AGBL4: variants seen among roughly 807,000 people sequenced by gnomAD.
The protein encoded by AGBL4 is AGBL carboxypeptidase 4, also known as cytosolic carboxypeptidase 6.
AGBL4 carries 58 observed loss-of-function variants against 66.4 expected under a neutral mutation model. The ratio of observed to expected loss-of-function variants is 0.87; its 90% CI spans 0.71 to 1.09. AGBL4 has a LOEUF of 1.09. Among genes scored for constraint, AGBL4 ranks in the 50% least tolerant of loss-of-function variants. AGBL4 has a pLI of 0.00. For missense variants in AGBL4, 579 were observed against 631.0 expected (o/e 0.92, Z 0.88); for synonymous variants, 234 against 222.9 (o/e 1.05, Z -0.44).
At chr1:49,376,484 G>GA (rs1041182679) in intron 3 of AGBL4, among the ~76,000 whole-genome samples, 1 of 152,034 alleles carries the variant, frequency 6.6e-6, no homozygotes, top group African/African-American at 2.4e-5. Flanking sequence ...GTTCTTCCAA[G>GA]ACTCTAGTAA....
intron 11 of AGBL4, among the ~76,000 whole-genome samples, chr1:48,570,236 G>A (rs1312735667): frequency 6.6e-6 from 1 of 152,254 alleles, no homozygotes; most frequent in Non-Finnish European, 1.5e-5. Flanking sequence ...AAGAGGTATG[G>A]AGGAGTTTAG....
rs758153230 is a variant in AGBL4 at position 49,895,196 on chromosome 1, TA to T, written c.35-43679del. ...CTGGGAAAAGAAGACTTTCCCAGTT[TA>T]AAAAAAAAAAAAAAAACTGAGAGAT... On this transcript the variant is annotated intron_variant, in intron 1 of 13. Coordinates refer to ENST00000371839, the MANE Select transcript of AGBL4 (RefSeq NM_032785.4). 9.4e-3 allele frequency among the ~76,000 whole-genome samples: 1,234 copies of T among 131,280 alleles called. 6 individuals are homozygous for T. The highest frequency in any genetic ancestry group is 0.02 in the African/African-American group (707 of 35,738). The allele number at this position is 131,280 out of a possible 152,430, so 86.1% of individuals were successfully genotyped here.
intron 3 of AGBL4, among the ~76,000 whole-genome samples, chr1:49,565,001 T>G (rs4926820): frequency 6.7e-6 from 1 of 149,290 alleles, no homozygotes; most frequent in Non-Finnish European, 1.5e-5. Flanking sequence ...CTGTATTGGG[T>G]GCATATATAT....
chr1:49,840,703 T>A (rs1002897031), intron 2 of AGBL4, among the ~76,000 whole-genome samples: 4 of 152,044 alleles, frequency 2.6e-5, no homozygotes, highest in African/African-American at 9.7e-5. Context: ...CAGGATGAAG[T>A]CAATAAGTGT....
chr1:49,242,930 T>C (rs1363027859), intron 4 of AGBL4, among the ~76,000 whole-genome samples: 1 of 151,622 alleles, frequency 6.6e-6, no homozygotes, highest in African/African-American at 2.4e-5. Context: ...CTTGAAGGCC[T>C]TGGTACCTGT....
chr1:49,339,414 G>T (rs912132241), intron 3 of AGBL4, among the ~76,000 whole-genome samples: 1 of 152,204 alleles, frequency 6.6e-6, no homozygotes. Context: ...GTGGGGAAAA[G>T]ATTCCTCAGG....
intron 3 of AGBL4, among the ~76,000 whole-genome samples, chr1:49,302,609 TTTTA>T (rs1304476494): frequency 2.9e-5 from 1 of 33,970 alleles, no homozygotes; most frequent in Non-Finnish European, 4.7e-5. Flanking sequence ...TATTTTATTT[TTTTA>T]TTTTATTTTA....
chr1:49,257,907 AC>A (rs1260532867), intron 3 of AGBL4, among the ~76,000 whole-genome samples: 12 of 151,778 alleles, frequency 7.9e-5, no homozygotes, highest in Admixed American at 1.3e-4. Flanking sequence ...ACTGGGAGGC[AC>A]CCCCCAGTAG....
intron 2 of AGBL4, among the ~76,000 whole-genome samples, chr1:49,729,243 T>A (rs1015339928): frequency 3.3e-5 from 5 of 152,114 alleles, no homozygotes; most frequent in Non-Finnish European, 7.4e-5. Context: ...ATCCAAACAA[T>A]AAAAATCTTG....
At chr1:49,506,237 A>C (rs781184161) in intron 3 of AGBL4, among the ~76,000 whole-genome samples, 18 of 152,238 alleles carry the variant, frequency 1.2e-4, no homozygotes, top group African/African-American at 4.3e-4. Context: ...TGATATAACA[A>C]GAAAGAAAAA....
intron 2 of AGBL4, among the ~76,000 whole-genome samples, chr1:49,709,922 A>T (rs1402031640): frequency 6.6e-6 from 1 of 152,218 alleles, no homozygotes; most frequent in Non-Finnish European, 1.5e-5. Flanking sequence ...AATGGCAATC[A>T]TTAAAAAGTC....
chr1:48,938,151 A>G (rs1041374089), intron 5 of AGBL4, among the ~76,000 whole-genome samples: 2 of 152,248 alleles, frequency 1.3e-5, no homozygotes, highest in Admixed American at 6.5e-5. Flanking sequence ...TGATTTACCA[A>G]TATAGATATG....
intron 12 of AGBL4, among the ~76,000 whole-genome samples, chr1:48,536,771 G>A (rs1398533434): frequency 6.6e-6 from 1 of 152,218 alleles, no homozygotes; most frequent in Non-Finnish European, 1.5e-5. Context: ...CACCTGCTCT[G>A]TTTCTTCTTC....
chr1:49,255,213 G>A (rs947221818), intron 3 of AGBL4, among the ~76,000 whole-genome samples: 2 of 152,100 alleles, frequency 1.3e-5, no homozygotes, highest in African/African-American at 4.8e-5. Flanking sequence ...ACTATCAGTA[G>A]AGTAAACAGA....
In AGBL4 at chr1:49,362,894, A is replaced by C. The variant is rs1337776128; in HGVS notation, c.283-117030T>G. On this transcript the variant is annotated intron_variant, in intron 3 of 13. Coordinates refer to ENST00000371839, the MANE Select transcript of AGBL4 (RefSeq NM_032785.4). The stretch of plus-strand genomic sequence containing the variant: ...TTTCAACATTAATTGTAGGATAATC[A>C]AGTCTGAAGATAGAGGCAGATAATG... Among the ~76,000 whole-genome samples the C allele has an allele frequency of 3.3e-5, 5 of 152,316 alleles. No homozygotes were observed. The East Asian group carries it at 7.7e-4, about 24-fold the overall frequency.
intron 2 of AGBL4, among the ~76,000 whole-genome samples, chr1:49,733,444 T>C (rs1245848287): frequency 6.6e-6 from 1 of 152,232 alleles, no homozygotes; most frequent in Non-Finnish European, 1.5e-5. Flanking sequence ...ACATCTTAGC[T>C]GACATTGCTG....
At chr1:49,205,062 C>T (rs1648024883) in intron 4 of AGBL4, among the ~76,000 whole-genome samples, 1 of 152,128 alleles carries the variant, frequency 6.6e-6, no homozygotes, top group Admixed American at 6.6e-5. Flanking sequence ...CTTCTGTGCT[C>T]TGAGCATCAA....
At chr1:48,919,601 A>G (rs902028488) in intron 5 of AGBL4, among the ~76,000 whole-genome samples, 6 of 152,220 alleles carry the variant, frequency 3.9e-5, no homozygotes, top group Non-Finnish European at 8.8e-5. Flanking sequence ...GGGTTAGATC[A>G]GGGTTTCTCA....
At chr1:48,764,645 A>G (rs1193781156) in intron 6 of AGBL4, among the ~76,000 whole-genome samples, 1 of 152,226 alleles carries the variant, frequency 6.6e-6, no homozygotes, top group Non-Finnish European at 1.5e-5. Context: ...GATGTGGAAT[A>G]AACTAGGCGT....
Sources: gnomAD v4.1 joint callset for allele counts (sites outside exome capture counted in the v4.1 genomes callset) on GRCh38, gnomAD v4.1.1 for gene constraint, MANE v1.5 for transcripts, NCBI Gene and HGNC (gene_info 2026-07-23, HGNC 2026-07-21) for gene names.